KATNA1: variants seen among roughly 807,000 people sequenced by gnomAD.
KATNA1 encodes katanin p60 ATPase-containing subunit A1.
In KATNA1, 42 loss-of-function variants were observed where a neutral mutation model predicts 62.6. That is an observed-to-expected ratio of 0.67 (90% CI 0.52 to 0.87). The LOEUF (loss-of-function observed/expected upper bound fraction) is 0.87. Ranked by LOEUF, KATNA1 falls within the 40% of genes least tolerant of loss-of-function variation. The probability of loss-of-function intolerance (pLI) is 0.00; values close to 1 mark genes in which losing one functional copy is unlikely to be tolerated. For synonymous variants in KATNA1, 186 were observed against 201.9 expected, an observed-to-expected ratio of 0.92 and a Z score of 0.67; for missense variants, 498 against 612.5, an observed-to-expected ratio of 0.81 and a Z score of 1.97.
intron 1 of KATNA1, among the ~76,000 whole-genome samples, chr6:149,647,227 A>G (rs9766050): frequency 0.011 from 1,666 of 151,976 alleles, 37 homozygotes; most frequent in African/African-American, 0.038. Flanking sequence ...ATTTCTTGGT[A>G]TAAGAACAAA....
rs1778619150 is a variant in KATNA1, at chr6:149,603,298, T to G, written c.699A>C (p.Glu233Asp). The G allele has an allele frequency of 6.3e-7, 1 of 1,588,000 alleles. No homozygotes were observed. The change falls in exon 6 of 11, where the codon GAA becomes GAC. Residue 233 changes from glutamate to aspartate, a missense_variant. This residue lies in a region of KATNA1 where 267 missense variants were observed against 372.6 expected (regional missense o/e 0.72). Transcript: ENST00000367411. ...EAVVLPMWMP[E>D]FFKGIRRPWK... ...ATGGTCTCCTAATGCCCTTAAAGAA[T>G]TCGGGCATCCACATTGGTAACACTA...
At chr6:149,629,602 C>A (rs1481314027) in intron 3 of KATNA1, among the ~76,000 whole-genome samples, 2 of 152,056 alleles carry the variant, frequency 1.3e-5, no homozygotes, top group African/African-American at 4.8e-5. Flanking sequence ...AATTAACAGA[C>A]AAAAGCAAAA....
intron 4 of KATNA1, among the ~76,000 whole-genome samples, chr6:149,619,919 T>C (rs1160607222): frequency 6.6e-6 from 1 of 151,922 alleles, no homozygotes; most frequent in Non-Finnish European, 1.5e-5. Flanking sequence ...CAACCTAAGT[T>C]CCTATCGACA....
rs532188676 is a variant in KATNA1 at position 149,609,370 on chromosome 6, G to GAAAA, written c.502-4592_502-4589dup. Among the ~76,000 whole-genome samples the GAAAA allele has an allele frequency of 2.2e-3, 319 of 145,626 alleles. 3 individuals are homozygous for GAAAA. The highest frequency in any genetic ancestry group is 7.7e-3 in the African/African-American group (309 of 40,094). ...AGGAAGTAGCATAGTATTTTTTAAG[G>GAAAA]AAAAAAAAAAAGTATTTTTTCAAGA... is the stretch of plus-strand genomic sequence containing the variant. On this transcript the variant is annotated intron_variant, in intron 4 of 10. Coordinates refer to ENST00000367411, the MANE Select transcript of KATNA1 (RefSeq NM_007044.4).
chr6:149,637,479 T>A (rs917478387), intron 2 of KATNA1, among the ~76,000 whole-genome samples: 1 of 152,150 alleles, frequency 6.6e-6, no homozygotes, highest in Non-Finnish European at 1.5e-5. Context: ...TAATAAAGTC[T>A]ACTCTATTTT....
chr6:149,597,493 T>C lies in KATNA1; in HGVS notation c.1150+14A>G. On this transcript the variant is annotated intron_variant, in intron 9 of 10. Transcript: ENST00000367411. ...AAGTTAACAGGCTTTCTGACAAGAT[T>C]GAAAGGAAGATACCTGACGGCAAAG... 6.2e-7 allele frequency: 1 copy of C among 1,611,186 alleles called. No individual in the cohort carries two copies. Among genetic ancestry groups the C allele is most frequent in the Non-Finnish European group, 8.5e-7 (1 of 1,179,194 alleles).
chr6:149,640,546 G>A (rs1780240312), intron 1 of KATNA1, among the ~76,000 whole-genome samples: 1 of 151,488 alleles, frequency 6.6e-6, no homozygotes, highest in South Asian at 2.1e-4. Context: ...GGGTTTTTTT[G>A]GGTTTTGTTT....
chr6:149,595,289 G>A, intron 10 of KATNA1, 55 bp from the exon 11 acceptor site: 1 of 1,460,192 alleles, frequency 6.8e-7, no homozygotes, highest in South Asian at 1.2e-5. Context: ...TTGGTTAAAT[G>A]AAAACCTGTT....
chr6:149,621,420 G>A (rs1209650807), intron 4 of KATNA1, among the ~76,000 whole-genome samples: 4 of 151,676 alleles, frequency 2.6e-5, no homozygotes, highest in South Asian at 4.2e-4. Context: ...CACCGCGCCC[G>A]GCCCTGTGCC....
chr6:149,648,548 GA>G lies in KATNA1; in HGVS notation c.-94del. On this transcript the variant is annotated 5_prime_UTR_variant, in exon 1 of 11. Coordinates refer to ENST00000367411, the MANE Select transcript of KATNA1 (RefSeq NM_007044.4). Reference sequence around the variant, plus strand: ...GCGGAGTGGAGATCCCGGCAGCGAGGAAGGAGGGCCTGACCCAGTCCAGCCC... The same window carrying G: ...GCGGAGTGGAGATCCCGGCAGCGAGGAGGAGGGCCTGACCCAGTCCAGCCC... 6.6e-6 allele frequency: 1 copy of G among 152,294 alleles called. No homozygotes were observed. Among genetic ancestry groups the G allele is most frequent in the Non-Finnish European group, 1.5e-5 (1 of 68,236 alleles). 9.4% of individuals were successfully genotyped at this position (152,294 alleles called of 1,614,324 possible).
At chr6:149,631,583 A>T (rs538673966) in intron 3 of KATNA1, 1 of 148,832 alleles carries the variant, frequency 6.7e-6, no homozygotes, top group African/African-American at 2.6e-5. Flanking sequence ...AACAAAAAAA[A>T]ACACAAGTAA....
intron 4 of KATNA1, among the ~76,000 whole-genome samples, chr6:149,621,150 G>A (rs1779377374): frequency 6.8e-6 from 1 of 146,364 alleles, no homozygotes; most frequent in East Asian, 2.0e-4. Flanking sequence ...TTGAGATGGA[G>A]TCTCACTCAG....
chr6:149,601,090 C>T (rs1035265801), intron 7 of KATNA1, among the ~76,000 whole-genome samples: 2 of 152,200 alleles, frequency 1.3e-5, no homozygotes, highest in Non-Finnish European at 2.9e-5. Flanking sequence ...AATCTAAACA[C>T]TCTACCAGAA....
chr6:149,622,196 G>A (rs1779426709), intron 4 of KATNA1, among the ~76,000 whole-genome samples: 1 of 151,306 alleles, frequency 6.6e-6, no homozygotes, highest in African/African-American at 2.4e-5. Context: ...GCGGTGGCGC[G>A]GTCTCGGCTC....
intron 3 of KATNA1, chr6:149,631,554 AC>A (rs1209070587): frequency 0.013 from 1,381 of 104,066 alleles, 21 homozygotes; most frequent in African/African-American, 0.079. Flanking sequence ...TCTTAAAAAA[AC>A]AAAAAAAACA....
intron 3 of KATNA1, among the ~76,000 whole-genome samples, chr6:149,629,751 T>G (rs1779761366): frequency 6.6e-6 from 1 of 152,194 alleles, no homozygotes; most frequent in South Asian, 2.1e-4. Context: ...AAGAGCATGG[T>G]TAACTATATA....
At chr6:149,605,679 G>A (rs567232608) in intron 4 of KATNA1, among the ~76,000 whole-genome samples, 1 of 152,286 alleles carries the variant, frequency 6.6e-6, no homozygotes, top group South Asian at 2.1e-4. Context: ...AGCAACATCT[G>A]TTGAACACTG....
At chr6:149,621,776 A>G (rs1314393688) in intron 4 of KATNA1, among the ~76,000 whole-genome samples, 1 of 151,912 alleles carries the variant, frequency 6.6e-6, no homozygotes, top group Non-Finnish European at 1.5e-5. Context: ...TACAGGCATG[A>G]GCCACCATGC....
chr6:149,618,776 T>C (rs1562290376), intron 4 of KATNA1, among the ~76,000 whole-genome samples: 2 of 152,152 alleles, frequency 1.3e-5, no homozygotes, highest in Non-Finnish European at 2.9e-5. Context: ...AGATATCCAT[T>C]TGCAGAAATA....
Sources: gnomAD v4.1 joint callset for allele counts (sites outside exome capture counted in the v4.1 genomes callset) on GRCh38, gnomAD v4.1.1 for gene constraint, gnomAD v4.1.1 regional missense constraint, MANE v1.5 for transcripts, NCBI Gene and HGNC (gene_info 2026-07-23, HGNC 2026-07-21) for gene names.